Variants in IFT25 observed in about 807,000 individuals in gnomAD.
IFT25 encodes the protein intraflagellar transport protein 25 homolog.
the IFT25 span, among the ~76,000 whole-genome samples, chr1:53,937,582 G>C: frequency 2.6e-5 from 4 of 152,036 alleles, no homozygotes; most frequent in South Asian, 8.3e-4. Flanking sequence ...AAAATATTAT[G>C]TCTTTATTCA....
chr1:53,937,685 G>C, the IFT25 span, among the ~76,000 whole-genome samples: 1 of 152,172 alleles, frequency 6.6e-6, no homozygotes, highest in Non-Finnish European at 1.5e-5. Flanking sequence ...TTGAGAGAAA[G>C]ATCACCAAAG....
the IFT25 span, among the ~76,000 whole-genome samples, chr1:53,915,759 G>C: frequency 6.6e-6 from 1 of 152,164 alleles, no homozygotes; most frequent in Non-Finnish European, 1.5e-5. Context: ...ACTACAGGCA[G>C]AGGAAACAGC....
the IFT25 span, chr1:53,928,646 G>A: frequency 3.8e-6 from 2 of 523,048 alleles, no homozygotes; most frequent in East Asian, 3.1e-5. Context: ...CCAAATGTTC[G>A]CAACCATACA....
chr1:53,915,931 T>G, the IFT25 span, among the ~76,000 whole-genome samples: 1 of 152,128 alleles, frequency 6.6e-6, no homozygotes, highest in East Asian at 1.9e-4. Flanking sequence ...ACACCTATAT[T>G]CCCAACACTT....
the IFT25 span, among the ~76,000 whole-genome samples, chr1:53,935,988 G>A: frequency 4.6e-5 from 7 of 151,986 alleles, no homozygotes; most frequent in East Asian, 1.9e-4. Flanking sequence ...TAGGCCGGGC[G>A]CGGTGGCTCA....
the IFT25 span, among the ~76,000 whole-genome samples, chr1:53,918,578 C>T: frequency 6.6e-6 from 1 of 152,218 alleles, no homozygotes; most frequent in Admixed American, 6.5e-5. Context: ...AGGAAAAGCA[C>T]AAATCTGGAC....
At chr1:53,927,819 C>A in the IFT25 span, among the ~76,000 whole-genome samples, 11,584 of 152,222 alleles carry the variant, frequency 0.076, 805 homozygotes, top group African/African-American at 0.19. Context: ...ACTCTTCAAT[C>A]TGCTTTCTCT....
the IFT25 span, among the ~76,000 whole-genome samples, chr1:53,931,757 T>C: frequency 6.6e-6 from 1 of 152,186 alleles, no homozygotes; most frequent in Non-Finnish European, 1.5e-5. Context: ...GCTAATCTTG[T>C]TAGAGGTTTA....
At chr1:53,935,451 G>C in the IFT25 span, among the ~76,000 whole-genome samples, 1 of 152,306 alleles carries the variant, frequency 6.6e-6, no homozygotes, top group Non-Finnish European at 1.5e-5. Flanking sequence ...GGGGTTTCTT[G>C]TGTGGGGTTT....
At chr1:53,944,673 T>C in the IFT25 span, among the ~76,000 whole-genome samples, 18 of 152,050 alleles carry the variant, frequency 1.2e-4, no homozygotes. Context: ...GTTTGGGAGG[T>C]AGTCTAATCC....
the IFT25 span, among the ~76,000 whole-genome samples, chr1:53,927,310 C>G: frequency 6.6e-6 from 1 of 152,174 alleles, no homozygotes; most frequent in Non-Finnish European, 1.5e-5. Flanking sequence ...GGTCTTTTTT[C>G]TAGGGCCATT....
At chr1:53,934,400 T>C in the IFT25 span, among the ~76,000 whole-genome samples, 1 of 152,268 alleles carries the variant, frequency 6.6e-6, no homozygotes, top group Non-Finnish European at 1.5e-5. Flanking sequence ...TGTTCCTCTG[T>C]ATATAATAGT....
the IFT25 span, among the ~76,000 whole-genome samples, chr1:53,922,891 G>C: frequency 6.6e-6 from 1 of 152,166 alleles, no homozygotes. Context: ...AAAAGTTTTT[G>C]TGACAGGGTA....
At chr1:53,940,262 C>T in the IFT25 span, among the ~76,000 whole-genome samples, 1 of 152,100 alleles carries the variant, frequency 6.6e-6, no homozygotes, top group African/African-American at 2.4e-5. Flanking sequence ...AGAAACCTCT[C>T]CCAGGGATAA....
chr1:53,932,645 G>A, the IFT25 span, among the ~76,000 whole-genome samples: 1 of 152,162 alleles, frequency 6.6e-6, no homozygotes, highest in Non-Finnish European at 1.5e-5. Context: ...GCTCACTGCA[G>A]CATTGACGTC....
At chr1:53,935,091 G>A in the IFT25 span, among the ~76,000 whole-genome samples, 2 of 152,166 alleles carry the variant, frequency 1.3e-5, no homozygotes, top group African/African-American at 4.8e-5. Context: ...TGATGCAGGT[G>A]GATCATGAGG....
the IFT25 span, among the ~76,000 whole-genome samples, chr1:53,936,906 G>C: frequency 1.3e-5 from 2 of 151,932 alleles, no homozygotes; most frequent in Admixed American, 6.6e-5. Context: ...TGTTGCCCAG[G>C]CTAGTCTCAA....
chr1:53,934,269 G>C, the IFT25 span, among the ~76,000 whole-genome samples: 1 of 152,070 alleles, frequency 6.6e-6, no homozygotes, highest in Non-Finnish European at 1.5e-5. Context: ...ACAGAATTCT[G>C]GGTTGACAGG....
the IFT25 span, chr1:53,946,265 G>A: frequency 6.6e-6 from 1 of 151,366 alleles, no homozygotes; most frequent in African/African-American, 2.4e-5. Flanking sequence ...CTCGGCCCTC[G>A]GGTCGCCTGC....
Sources: gnomAD v4.1 joint callset for allele counts (sites outside exome capture counted in the v4.1 genomes callset) on GRCh38, gnomAD v4.1.1 for gene constraint, MANE v1.5 for transcripts, NCBI Gene and HGNC (gene_info 2026-07-23, HGNC 2026-07-21) for gene names.